SPATA13: variants seen among roughly 807,000 people sequenced by gnomAD.
SPATA13 encodes the protein spermatogenesis associated 13.
In SPATA13, 50 loss-of-function variants were observed where a neutral mutation model predicts 104.0. The ratio of observed to expected loss-of-function variants is 0.48; its 90% CI spans 0.38 to 0.61. SPATA13 has a LOEUF of 0.61. Ranked by LOEUF, SPATA13 falls within the 20% of genes least tolerant of loss-of-function variation. SPATA13 has a pLI of 0.00. For missense variants in SPATA13, 1,524 were observed against 1,690.6 expected (o/e 0.90, Z 1.73); for synonymous variants, 606 against 667.5 (o/e 0.91, Z 1.42).
intron 2 of SPATA13, among the ~76,000 whole-genome samples, chr13:24,240,796 C>T (rs1872793898): frequency 6.6e-6 from 1 of 152,186 alleles, no homozygotes. Flanking sequence ...GGGTCACCAG[C>T]TGTGTTTTTC....
At chr13:24,105,543 A>G (rs1566104886) in intron 3 of SPATA13, among the ~76,000 whole-genome samples, 1 of 151,906 alleles carries the variant, frequency 6.6e-6, no homozygotes, top group Non-Finnish European at 1.5e-5. Flanking sequence ...AATAAACTTG[A>G]TAAATAGATG....
upstream of SPATA13, among the ~76,000 whole-genome samples, chr13:24,157,043 T>A (rs1045184865): frequency 6.6e-6 from 1 of 152,224 alleles, no homozygotes; most frequent in Admixed American, 6.5e-5. Flanking sequence ...TAATGATCTC[T>A]GAGTGACCTC....
intron 2 of SPATA13, among the ~76,000 whole-genome samples, chr13:24,007,763 C>T (rs925425096): frequency 1.3e-5 from 2 of 152,238 alleles, no homozygotes; most frequent in African/African-American, 4.8e-5. Flanking sequence ...CCACCAAGCC[C>T]AGCCAGGGTT....
At chr13:24,072,155 ATG>A (rs920260613) in intron 3 of SPATA13, among the ~76,000 whole-genome samples, 72 of 152,344 alleles carry the variant, frequency 4.7e-4, no homozygotes, top group African/African-American at 1.7e-3. Flanking sequence ...CAAAGGCTAA[ATG>A]TGTTCTTAGA....
intron 1 of SPATA13, among the ~76,000 whole-genome samples, chr13:24,192,091 C>T (rs1051799133): frequency 2.6e-5 from 4 of 152,140 alleles, no homozygotes; most frequent in South Asian, 2.1e-4. Context: ...GCTTCTACCC[C>T]GATCTGTGGC....
intron 9 of SPATA13, among the ~76,000 whole-genome samples, chr13:24,293,963 C>T (rs573992568): frequency 2.6e-5 from 4 of 152,280 alleles, no homozygotes; most frequent in African/African-American, 4.8e-5. Context: ...CACGGGAAAG[C>T]GGAAAATATA....
chr13:24,003,392 T>C (rs1001504054), intron 2 of SPATA13, among the ~76,000 whole-genome samples: 3 of 152,216 alleles, frequency 2.0e-5, no homozygotes, highest in African/African-American at 7.2e-5. Flanking sequence ...AGATTGAGAA[T>C]TCAAATAATG....
At chr13:24,272,409 C>T (rs1874677681) in intron 4 of SPATA13, among the ~76,000 whole-genome samples, 1 of 152,230 alleles carries the variant, frequency 6.6e-6, no homozygotes, top group Admixed American at 6.5e-5. Context: ...ACTGTTGCCA[C>T]TCCTATATGC....
intron 1 of SPATA13, among the ~76,000 whole-genome samples, chr13:24,203,862 A>C (rs1298136984): frequency 6.6e-6 from 1 of 152,210 alleles, no homozygotes; most frequent in Non-Finnish European, 1.5e-5. Context: ...TGTTTCAACA[A>C]ATATTTAATG....
intron 2 of SPATA13, among the ~76,000 whole-genome samples, chr13:24,235,149 T>G (rs1314891051): frequency 6.6e-6 from 1 of 152,160 alleles, no homozygotes; most frequent in Non-Finnish European, 1.5e-5. Flanking sequence ...ACTTTGCAAA[T>G]TATGTACTTC....
chr13:24,198,190 T>A (rs1210310010), intron 1 of SPATA13, among the ~76,000 whole-genome samples: 1 of 152,176 alleles, frequency 6.6e-6, no homozygotes, highest in Non-Finnish European at 1.5e-5. Context: ...AGACGGGGTT[T>A]CACTGTGTTG....
At chr13:24,012,349 G>A (rs1184697462) in intron 2 of SPATA13, among the ~76,000 whole-genome samples, 1 of 152,168 alleles carries the variant, frequency 6.6e-6, no homozygotes. Flanking sequence ...CTTGGTCAAG[G>A]TTGCCCCCAG....
chr13:24,072,843 T>C (rs1243127647), intron 3 of SPATA13, among the ~76,000 whole-genome samples: 5 of 135,166 alleles, frequency 3.7e-5, no homozygotes, highest in African/African-American at 1.1e-4. Context: ...TTTTTTTTTT[T>C]ACATCCCCTT....
chr13:24,040,101 A>G (rs1227100104), intron 3 of SPATA13, among the ~76,000 whole-genome samples: 1 of 152,228 alleles, frequency 6.6e-6, no homozygotes, highest in East Asian at 1.9e-4. Flanking sequence ...AACTTCCACT[A>G]AAGGCCATTC....
At chr13:24,078,102 G>A (rs552169790) in intron 3 of SPATA13, among the ~76,000 whole-genome samples, 205 of 152,218 alleles carry the variant, frequency 1.3e-3, no homozygotes, top group Middle Eastern at 3.4e-3. Flanking sequence ...CCTCCTGCAC[G>A]TGTGTCAGAG....
chr13:24,072,122 A>T (rs1443120416), intron 3 of SPATA13, among the ~76,000 whole-genome samples: 1 of 152,384 alleles, frequency 6.6e-6, no homozygotes, highest in African/African-American at 2.4e-5. Context: ...ACACAAGTAC[A>T]TGAGAGAAAA....
intron 4 of SPATA13, among the ~76,000 whole-genome samples, chr13:24,263,346 C>G (rs1874148409): frequency 6.6e-6 from 1 of 152,194 alleles, no homozygotes; most frequent in Non-Finnish European, 1.5e-5. Flanking sequence ...TGATGGAGCA[C>G]TTGGATTGTT....
chr13:24,135,323 GAAAGCTGGGTATCCTCTA>G (rs1425823814), intron 3 of SPATA13, among the ~76,000 whole-genome samples: 3 of 152,184 alleles, frequency 2.0e-5, no homozygotes, highest in African/African-American at 7.2e-5. Flanking sequence ...ATAGAAGTTT[GAAAGCTGGGTATCCTCTA>G]AAATCATATT....
chr13:24,166,013 G>T (rs1336791720), intron 1 of SPATA13, among the ~76,000 whole-genome samples: 1 of 152,178 alleles, frequency 6.6e-6, no homozygotes. Context: ...CACCCTTCCT[G>T]GGGGGTGGAG....
Sources: allele counts gnomAD v4.1 joint callset (sites outside exome capture counted in the v4.1 genomes callset), GRCh38; gene constraint gnomAD v4.1.1; transcripts MANE v1.5; gene names NCBI Gene and HGNC (gene_info 2026-07-23, HGNC 2026-07-21).